DYNC2H1: variants seen among roughly 807,000 people sequenced by gnomAD.
DYNC2H1 encodes cytoplasmic dynein 2 heavy chain 1.
DYNC2H1 carries 410 observed loss-of-function variants against 570.0 expected under a neutral mutation model. The observed-to-expected ratio is 0.72, with a 90% CI of 0.66 to 0.78. DYNC2H1 has a LOEUF of 0.78. Among genes scored for constraint, DYNC2H1 ranks in the 30% least tolerant of loss-of-function variants. DYNC2H1 has a pLI of 0.00. For synonymous variants in DYNC2H1, 1,688 were observed against 1,677.6 expected, an observed-to-expected ratio of 1.01 and a Z score of -0.15; for missense variants, 4,865 against 5,046.4, an observed-to-expected ratio of 0.96 and a Z score of 1.09.
At chr11:103,349,122 G>A (rs1453196779) in intron 82 of DYNC2H1, among the ~76,000 whole-genome samples, 1 of 152,098 alleles carries the variant, frequency 6.6e-6, no homozygotes, top group Non-Finnish European at 1.5e-5. Context: ...ACATTAAGCT[G>A]CTGTGAATAT....
chr11:103,421,451 T>A (rs907217488), intron 84 of DYNC2H1, among the ~76,000 whole-genome samples: 5 of 152,116 alleles, frequency 3.3e-5, no homozygotes, highest in African/African-American at 1.2e-4. Flanking sequence ...ACATAATTAA[T>A]TGAAATTAAA....
At chr11:103,351,303 C>G (rs1565518655) in intron 82 of DYNC2H1, among the ~76,000 whole-genome samples, 1 of 152,164 alleles carries the variant, frequency 6.6e-6, no homozygotes, top group East Asian at 1.9e-4. Flanking sequence ...GGAAAGTAAA[C>G]TGCATGTCCT....
At chr11:103,353,736 C>T (rs183457724) in intron 82 of DYNC2H1, among the ~76,000 whole-genome samples, 8 of 152,006 alleles carry the variant, frequency 5.3e-5, no homozygotes, top group Non-Finnish European at 1.2e-4. Flanking sequence ...GTTTTAGGTG[C>T]CCACTTTTAA....
At position 103,326,505 on chromosome 11, in the gene DYNC2H1, C is replaced by T. The variant is rs1230973801; in HGVS notation, c.12039+2515C>T. 1.3e-5 allele frequency among the ~76,000 whole-genome samples: 2 copies of T among 152,212 alleles called. No individual in the cohort carries two copies. The highest frequency in any genetic ancestry group is 4.8e-5 in the African/African-American group (2 of 41,464). On this transcript the variant is annotated intron_variant, in intron 82 of 88. Transcript: ENST00000375735. This position sits in a 1 kb window ranked among gnomAD's most constrained non-coding sequence, Gnocchi z 6.1. ...TCTGAGGGTGGGCGCTTCTCCCCAG[C>T]TCCAGTGTTGGCCGCAGATCTGGGC...
In DYNC2H1 at chr11:103,199,174, TA is replaced by T; in HGVS notation, c.7840-53del. 1 of 1,247,582 alleles carries T rather than the reference TA, an allele frequency of 8.0e-7. No individual in the cohort carries two copies. Among genetic ancestry groups the T allele is most frequent in the Non-Finnish European group, 1.1e-6 (1 of 937,732 alleles). 77.3% of individuals were successfully genotyped at this position (1,247,582 alleles called of 1,614,324 possible). A position where few individuals can be genotyped will look rare whatever the true frequency, so the allele number is the denominator to read the frequency against. ...TTTTAACCTAGGTAAGTAACATTTT[TA>T]TTATGTAATTAGGGCTTATATTAAT... On this transcript the variant is annotated intron_variant, in intron 48 of 88. Transcript: ENST00000375735. The surrounding 1 kb of genome is among the most constrained non-coding windows in gnomAD (Gnocchi z 4.6).
At chr11:103,318,589 A>C (rs983570104) in intron 80 of DYNC2H1, among the ~76,000 whole-genome samples, 1 of 152,140 alleles carries the variant, frequency 6.6e-6, no homozygotes, top group Non-Finnish European at 1.5e-5. Flanking sequence ...TAATGCTGCT[A>C]TACCTTTAGG....
intron 40 of DYNC2H1, among the ~76,000 whole-genome samples, chr11:103,183,784 CCTTT>C (rs1368060669): frequency 3.3e-5 from 5 of 151,980 alleles, no homozygotes; most frequent in African/African-American, 7.2e-5. Context: ...TCTTTCTTCT[CCTTT>C]CTTCCTGCTC....
intron 84 of DYNC2H1, among the ~76,000 whole-genome samples, chr11:103,413,174 A>ACTTTGTGAACAT (rs1316558965): frequency 1.3e-5 from 2 of 152,158 alleles, no homozygotes; most frequent in Non-Finnish European, 2.9e-5. Context: ...TCTCCACTAC[A>ACTTTGTGAACAT]CTTTGTGAAC....
At position 103,286,882 on chromosome 11, in the gene DYNC2H1, CT is replaced by C. The variant is rs1372771512; in HGVS notation, c.11022+497del. Among the ~76,000 whole-genome samples the C allele has an allele frequency of 2.0e-5, 3 of 152,300 alleles. No homozygotes were observed. The South Asian group carries it at 6.2e-4, about 32-fold the overall frequency. Reference sequence around the variant, plus strand: ...AATGACCTTTCCATTTATCTCTTCTCTGGATCTAACCCCTTTGTGTCTCCAT... The same window carrying C: ...AATGACCTTTCCATTTATCTCTTCTCGGATCTAACCCCTTTGTGTCTCCAT... On this transcript the variant is annotated intron_variant, in intron 74 of 88. Transcript: ENST00000375735.
chr11:103,150,578 A>G (rs1422181944), intron 20 of DYNC2H1, among the ~76,000 whole-genome samples: 1 of 152,178 alleles, frequency 6.6e-6, no homozygotes, highest in African/African-American at 2.4e-5. Context: ...TCTGGTAGAA[A>G]TCAAATGAGG....
rs1355297608 is a variant in DYNC2H1 at position 103,280,471 on chromosome 11, G to A, written c.10761+58G>A. On this transcript the variant is annotated intron_variant, in intron 71 of 88. Transcript: ENST00000375735. This position sits in a 1 kb window ranked among gnomAD's most constrained non-coding sequence, Gnocchi z 4.7. The stretch of plus-strand genomic sequence containing the variant: ...TAACATAGAAATTTGTTAATGGGTG[G>A]ATTTATGTTTAGATTAGAAATTATT... 7 of 1,370,974 alleles carry A rather than the reference G, an allele frequency of 5.1e-6. No individual in the cohort carries two copies. Among genetic ancestry groups the A allele is most frequent in the East Asian group, 5.0e-5 (2 of 40,024 alleles). The allele number at this position is 1,370,974 out of a possible 1,614,324, so 84.9% of individuals were successfully genotyped here. A position where few individuals can be genotyped will look rare whatever the true frequency, so the allele number is the denominator to read the frequency against.
In DYNC2H1 at chr11:103,320,000, A is replaced by AT. The variant is rs1237647930; in HGVS notation, c.11726-1024dup. ...ATGTTCCAAGGCATGTAGATAATCA[A>AT]TTTTTGTCATATCTCTAAATTTTAT... On this transcript the variant is annotated intron_variant, in intron 80 of 88. Coordinates refer to ENST00000375735, the MANE Select transcript of DYNC2H1 (RefSeq NM_001377.3). This position sits in a 1 kb window ranked among gnomAD's most constrained non-coding sequence, Gnocchi z 4.3. Among the ~76,000 whole-genome samples, 1 of 152,204 alleles carries AT rather than the reference A, an allele frequency of 6.6e-6. No individual in the cohort carries two copies. Among genetic ancestry groups the AT allele is most frequent in the Non-Finnish European group, 1.5e-5 (1 of 68,032 alleles).
intron 31 of DYNC2H1, among the ~76,000 whole-genome samples, chr11:103,167,255 G>A (rs1421131491): frequency 6.6e-6 from 1 of 151,122 alleles, no homozygotes; most frequent in African/African-American, 2.4e-5. Context: ...TTATAATAGG[G>A]CTTTAAAGTA....
intron 47 of DYNC2H1, among the ~76,000 whole-genome samples, chr11:103,197,630 T>C (rs960883613): frequency 6.6e-6 from 1 of 152,066 alleles, no homozygotes; most frequent in Non-Finnish European, 1.5e-5. Flanking sequence ...AAATTTTTTA[T>C]AGAGATGGAG....
In DYNC2H1 at chr11:103,468,518, G is replaced by A. The variant is rs3740942; in HGVS notation, c.12649-71G>A. On this transcript the variant is annotated intron_variant, in intron 87 of 88. Coordinates refer to ENST00000375735, the MANE Select transcript of DYNC2H1 (RefSeq NM_001377.3). ...CACAATGGAAAGCATAGCTCTTAAG[G>A]TAGAATAGAGTAACCTCTGACATTT... 0.16 allele frequency: 158,500 copies of A among 1,014,904 alleles called. 13,844 individuals are homozygous for A. The highest frequency in any genetic ancestry group is 0.28 in the Admixed American group (13,916 of 50,012). 62.9% of individuals were successfully genotyped at this position (1,014,904 alleles called of 1,614,324 possible). A position where few individuals can be genotyped will look rare whatever the true frequency, so the allele number is the denominator to read the frequency against.
intron 28 of DYNC2H1, 38 bp downstream of exon 28, chr11:103,159,065 T>A: frequency 6.6e-7 from 1 of 1,519,898 alleles, no homozygotes; most frequent in Non-Finnish European, 9.1e-7. Context: ...ATTTATTGAG[T>A]TTCAACTGTC....
chr11:103,297,101 C>T lies in DYNC2H1; in HGVS notation c.11096-5992C>T, dbSNP rs1866863683. Reference sequence around the variant, plus strand: ...GGATTTAAATATCATTCTTAAATTACTGATGCTTATATCTCTTATTTCCAG... The same window carrying T: ...GGATTTAAATATCATTCTTAAATTATTGATGCTTATATCTCTTATTTCCAG... On this transcript the variant is annotated intron_variant, in intron 75 of 88. Coordinates refer to ENST00000375735, the MANE Select transcript of DYNC2H1 (RefSeq NM_001377.3). 4.6e-5 allele frequency among the ~76,000 whole-genome samples: 7 copies of T among 152,034 alleles called. No individual in the cohort carries two copies. The South Asian group carries it at 1.4e-3, about 31-fold the overall frequency.
In DYNC2H1 at chr11:103,283,022, A is replaced by G; in HGVS notation, c.10827A>G (p.Lys3609=). The part of the protein sequence containing the change: ...DMLRKADSQQ[K]IRDQLPSWID... Reference sequence around the variant, plus strand: ...TTTTATTAAAGGACTCTCAACAAAAAATACGTGATCAGCTTCCGTCTTGGA... The same window carrying G: ...TTTTATTAAAGGACTCTCAACAAAAGATACGTGATCAGCTTCCGTCTTGGA... Residue 3609 remains lysine (K), a synonymous_variant, in exon 73 of 89, where the codon AAA becomes AAG. Transcript: ENST00000375735. 1 of 1,602,450 alleles carries G rather than the reference A, an allele frequency of 6.2e-7. No homozygotes were observed. The highest frequency in any genetic ancestry group is 8.5e-7 in the Non-Finnish European group (1 of 1,174,604).
At chr11:103,220,376 A>G (rs1863540314) in intron 56 of DYNC2H1, among the ~76,000 whole-genome samples, 1 of 152,124 alleles carries the variant, frequency 6.6e-6, no homozygotes, top group African/African-American at 2.4e-5. Context: ...GAAAATGACA[A>G]ATTGTCTCAA....
Sources: gnomAD v4.1 joint callset for allele counts (sites outside exome capture counted in the v4.1 genomes callset) on GRCh38, gnomAD v4.1.1 for gene constraint, Gnocchi (gnomAD v3.1) non-coding constraint, MANE v1.5 for transcripts, NCBI Gene and HGNC (gene_info 2026-07-23, HGNC 2026-07-21) for gene names.